FAM149B1: variants seen among roughly 807,000 people sequenced by gnomAD.
The protein encoded by FAM149B1 is family with sequence similarity 149 member B1, also known as primary cilium assembly protein FAM149B1.
A neutral mutation model predicts 75.3 loss-of-function variants in FAM149B1; 56 were observed. The observed-to-expected ratio is 0.74, with a 90% CI of 0.60 to 0.93. The LOEUF is 0.93. FAM149B1 is among the 40% of genes least tolerant of loss of function. The pLI is 0.00. For missense variants in FAM149B1, 639 were observed against 708.4 expected (o/e 0.90, Z 1.11); for synonymous variants, 259 against 256.1 (o/e 1.01, Z -0.11).
At chr10:73,179,028 G>T (rs1258817304) in intron 3 of FAM149B1, among the ~76,000 whole-genome samples, 3 of 151,396 alleles carry the variant, frequency 2.0e-5, no homozygotes, top group African/African-American at 7.3e-5. Context: ...GCAGTGGCAC[G>T]ATCTTGGCTC....
At chr10:73,214,644 A>G (rs561516837) in intron 7 of FAM149B1, among the ~76,000 whole-genome samples, 13 of 152,298 alleles carry the variant, frequency 8.5e-5, no homozygotes, top group Non-Finnish European at 1.3e-4. Flanking sequence ...CAACTCTGGG[A>G]TAAATCCCAC....
chr10:73,237,285 A>G (rs1316218378), intron 12 of FAM149B1, among the ~76,000 whole-genome samples: 2 of 152,158 alleles, frequency 1.3e-5, no homozygotes, highest in African/African-American at 4.8e-5. Flanking sequence ...AAACATGAGC[A>G]TTTCTGATTC....
At chr10:73,177,145 A>G (rs566879638) in intron 2 of FAM149B1, among the ~76,000 whole-genome samples, 2 of 152,170 alleles carry the variant, frequency 1.3e-5, no homozygotes, top group African/African-American at 2.4e-5. Flanking sequence ...CGGAGGTTGC[A>G]GTGAGCTGAT....
chr10:73,178,263 G>A (rs1444748725), intron 3 of FAM149B1, among the ~76,000 whole-genome samples: 5 of 152,138 alleles, frequency 3.3e-5, no homozygotes, highest in Non-Finnish European at 7.4e-5. Flanking sequence ...AGGCCGAGGC[G>A]GGCGGATCAC....
At chr10:73,233,241 G>A in intron 10 of FAM149B1, 78 bp downstream of exon 10, 1 of 1,034,178 alleles carries the variant, frequency 9.7e-7, no homozygotes, top group South Asian at 1.4e-5. Flanking sequence ...TTAAATATAA[G>A]ACTGAAATCT....
At chr10:73,213,008 A>G (rs549444331) in intron 7 of FAM149B1, among the ~76,000 whole-genome samples, 1 of 151,906 alleles carries the variant, frequency 6.6e-6, no homozygotes, top group African/African-American at 2.4e-5. Flanking sequence ...ACGACTGGCT[A>G]ATCTTTTGGT....
chr10:73,223,913 C>T (rs1232874607), intron 7 of FAM149B1, among the ~76,000 whole-genome samples: 2 of 152,144 alleles, frequency 1.3e-5, no homozygotes, highest in African/African-American at 4.8e-5. Flanking sequence ...GAACTCCTTC[C>T]AGTTTCAGTG....
chr10:73,178,489 C>CA lies in FAM149B1; in HGVS notation c.282+527dup, dbSNP rs10646694. On this transcript the variant is annotated intron_variant, in intron 3 of 13. Coordinates refer to ENST00000242505, the MANE Select transcript of FAM149B1 (RefSeq NM_173348.2). ...CTGGGCAACAAGAACGAAACTGTCT[C>CA]AAAAAAAAAAAAACAACAACAAACA... 3.5e-3 allele frequency among the ~76,000 whole-genome samples: 469 copies of CA among 135,718 alleles called. 2 individuals carry two copies. Among genetic ancestry groups the CA allele is most frequent in the Non-Finnish European group, 4.5e-3 (280 of 61,778 alleles). 89.0% of individuals were successfully genotyped at this position (135,718 alleles called of 152,430 possible).
In FAM149B1 at chr10:73,168,298, C is replaced by G. The variant is rs1412422181; in HGVS notation, c.-42C>G. ...GGCCCCCACCCTGGCGTGCCTGCCC[C>G]GGCCGCGGCTGAGGAGGAGGAGGAG... On this transcript the variant is annotated 5_prime_UTR_variant, in exon 1 of 14. Transcript: ENST00000242505. 11 of 1,545,598 alleles carry G rather than the reference C, an allele frequency of 7.1e-6. No individual in the cohort carries two copies. The highest frequency in any genetic ancestry group is 9.6e-6 in the Non-Finnish European group (11 of 1,145,398).
At position 73,243,715 on chromosome 10, in the gene FAM149B1, T is replaced by C; in HGVS notation, c.*2696T>C. 1 of 1,115,618 alleles carries C rather than the reference T, an allele frequency of 9.0e-7. No homozygotes were observed. The highest frequency in any genetic ancestry group is 1.3e-6 in the Non-Finnish European group (1 of 777,738). 69.1% of individuals were successfully genotyped at this position (1,115,618 alleles called of 1,614,324 possible). A position where few individuals can be genotyped will look rare whatever the true frequency, so the allele number is the denominator to read the frequency against. On this transcript the variant is annotated 3_prime_UTR_variant, in exon 14 of 14. Coordinates refer to ENST00000242505, the MANE Select transcript of FAM149B1 (RefSeq NM_173348.2). Reference sequence around the variant, plus strand: ...CACTTAAAACCACCAAATTGTACACTTTAAAAGGACAAATAGAAGGTATGC... The same window carrying C: ...CACTTAAAACCACCAAATTGTACACCTTAAAAGGACAAATAGAAGGTATGC...
At chr10:73,201,826 G>GT (rs1424781340) in intron 5 of FAM149B1, among the ~76,000 whole-genome samples, 3 of 151,872 alleles carry the variant, frequency 2.0e-5, no homozygotes, top group African/African-American at 7.3e-5. Context: ...ATGTCTTAAT[G>GT]AAGTTTTAGT....
chr10:73,236,053 A>G (rs949357802), intron 12 of FAM149B1, among the ~76,000 whole-genome samples: 1 of 152,194 alleles, frequency 6.6e-6, no homozygotes, highest in Admixed American at 6.5e-5. Context: ...ACATCCTGAC[A>G]GTTTTCAGGA....
rs1171894836 is a variant in FAM149B1 at position 73,177,880 on chromosome 10, T to G, written c.187T>G (p.Ser63Ala). 9.7e-6 allele frequency: 15 copies of G among 1,551,798 alleles called. No individual in the cohort carries two copies. The Admixed American group carries it at 2.7e-4, about 28-fold the overall frequency. ...CATCACAAGAGAATCATCTTTTACA[T>G]CAGCCGACACTGGGAATTCACTGTC... ...SDITRESSFT[S>A]ADTGNSLSAF... The change falls in exon 3 of 14, where the codon TCA becomes GCA. Residue 63 changes from serine to alanine, a missense_variant. Physicochemically the swap from Ser to Ala is moderately conservative, Grantham distance 99. Transcript: ENST00000242505.
chr10:73,228,150 C>T lies in FAM149B1; in HGVS notation c.989C>T (p.Pro330Leu). The T allele has an allele frequency of 6.4e-7, 1 of 1,551,608 alleles. No homozygotes were observed. The highest frequency in any genetic ancestry group is 2.4e-5 in the East Asian group (1 of 40,908). The part of the protein sequence containing the change: ...ELHPLVLPRV[P>L]QSKVLYITSN... ...CATCCTTTGGTGTTACCGCGAGTGC[C>T]ACAGTCTAAGGTGCTGTACATTACC... Residue 330 changes from proline (P) to leucine (L), a missense_variant, in exon 8 of 14, where the codon CCA becomes CTA. By Grantham distance (98) the Pro-to-Leu change is moderately conservative. Transcript: ENST00000242505.
intron 3 of FAM149B1, among the ~76,000 whole-genome samples, chr10:73,188,963 G>A (rs2042612141): frequency 6.6e-6 from 1 of 151,758 alleles, no homozygotes; most frequent in Non-Finnish European, 1.5e-5. Flanking sequence ...AGAGGCTGAG[G>A]CCACCAGATC....
intron 3 of FAM149B1, among the ~76,000 whole-genome samples, chr10:73,181,931 G>A (rs1391720930): frequency 6.6e-6 from 1 of 152,028 alleles, no homozygotes; most frequent in African/African-American, 2.4e-5. Context: ...CCAGTGTTGG[G>A]TTCATATATG....
chr10:73,225,836 T>A (rs1240078464), intron 7 of FAM149B1, among the ~76,000 whole-genome samples: 1 of 152,220 alleles, frequency 6.6e-6, no homozygotes, highest in Non-Finnish European at 1.5e-5. Flanking sequence ...ATGTTCAGGC[T>A]TGTTTAAATA....
chr10:73,205,574 G>A (rs558016384), intron 5 of FAM149B1, among the ~76,000 whole-genome samples: 159 of 152,020 alleles, frequency 1.0e-3, no homozygotes, highest in African/African-American at 3.1e-3. Flanking sequence ...GTTTTTTTGA[G>A]ACAGAGTCTC....
intron 7 of FAM149B1, among the ~76,000 whole-genome samples, chr10:73,211,755 T>C (rs2043190201): frequency 6.6e-6 from 1 of 152,236 alleles, no homozygotes. Context: ...TATAATAAAC[T>C]GCACTATTTT....
Sources: gnomAD v4.1 joint callset for allele counts (sites outside exome capture counted in the v4.1 genomes callset) on GRCh38, gnomAD v4.1.1 for gene constraint, MANE v1.5 for transcripts, NCBI Gene and HGNC (gene_info 2026-07-23, HGNC 2026-07-21) for gene names.